Variants in RSF1 observed in about 807,000 individuals in gnomAD.
The protein encoded by RSF1 is HBV pX-associated protein 8.
Under a neutral mutation model 145.2 loss-of-function variants are expected in RSF1, and 13 were observed. The observed-to-expected ratio is 0.09, with a 90% confidence interval of 0.06 to 0.14. The LOEUF is 0.14. Ranked by LOEUF, RSF1 falls within the 10% of genes least tolerant of loss-of-function variation. The pLI is 1.00. For synonymous variants in RSF1, 577 were observed against 592.6 expected, an observed-to-expected ratio of 0.97 and a Z score of 0.38; for missense variants, 1,517 against 1,718.2, an observed-to-expected ratio of 0.88 and a Z score of 2.07.
At chr11:77,868,049 C>T in the RSF1 span, among the ~76,000 whole-genome samples, 1 of 147,042 alleles carries the variant, frequency 6.8e-6, no homozygotes, top group African/African-American at 2.5e-5. Flanking sequence ...CTTTTTCTTT[C>T]CTCTGAGCCT....
chr11:77,762,436 A>T (rs1213961470), intron 2 of RSF1: 1 of 152,168 alleles, frequency 6.6e-6, no homozygotes, highest in Admixed American at 6.5e-5. Flanking sequence ...CCAAAACCTT[A>T]ATTCAGGTCT....
At chr11:77,806,651 A>G (rs977988740) in intron 1 of RSF1, among the ~76,000 whole-genome samples, 11 of 152,160 alleles carry the variant, frequency 7.2e-5, no homozygotes, top group Non-Finnish European at 1.5e-4. Context: ...ACTGCACTGC[A>G]GTCTGGGCAA....
the RSF1 span, among the ~76,000 whole-genome samples, chr11:77,854,970 C>T: frequency 6.6e-6 from 1 of 152,230 alleles, no homozygotes; most frequent in African/African-American, 2.4e-5. Flanking sequence ...ACTCTGTGCA[C>T]CCACTGGCTT....
rs1175057284 is a variant in RSF1 at position 77,691,093 on chromosome 11, T to C, written c.2900+66A>G. Reference sequence around the variant, plus strand: ...TCCTTGTTTTAGATGGATCCATTTATCCATACAGTGAGACAATTCTGCTCT... The same window carrying C: ...TCCTTGTTTTAGATGGATCCATTTACCCATACAGTGAGACAATTCTGCTCT... On this transcript the variant is annotated intron_variant, in intron 9 of 15. Coordinates refer to ENST00000308488, the MANE Select transcript of RSF1 (RefSeq NM_016578.4). 37 of 1,439,802 alleles carry C rather than the reference T, an allele frequency of 2.6e-5. No individual in the cohort carries two copies. The Admixed American group carries it at 6.2e-4, about 24-fold the overall frequency. The allele number at this position is 1,439,802 out of a possible 1,614,324, so 89.2% of individuals were successfully genotyped here. A position where few individuals can be genotyped will look rare whatever the true frequency, so the allele number is the denominator to read the frequency against.
Position 77,820,694 on chromosome 11 carries a change from C to T in RSF1, c.21G>A (p.Ala7=). The change falls in exon 1 of 16, where the codon GCG becomes GCA. Residue 7 remains alanine (A), a synonymous_variant. Coordinates refer to ENST00000308488, the MANE Select transcript of RSF1 (RefSeq NM_016578.4). MATAAA[A]AAVMAPPGCP... is the part of the protein sequence containing the mutation. ...AGCCCGGAGGAGCCATCACCGCCGCCGCTGCCGCCGCCGTCGCCATTTTGA... is the reference window on the plus strand; with the variant it reads ...AGCCCGGAGGAGCCATCACCGCCGCTGCTGCCGCCGCCGTCGCCATTTTGA... 1 of 1,550,502 alleles carries T rather than the reference C, an allele frequency of 6.4e-7. No individual in the cohort carries two copies. Among genetic ancestry groups the T allele is most frequent in the Middle Eastern group, 2.1e-4 (1 of 4,724 alleles).
In RSF1 at chr11:77,792,744, A is replaced by AT. The variant is rs1948532342; in HGVS notation, c.187+27783_187+27784insA. On this transcript the variant is annotated intron_variant, in intron 1 of 15. Transcript: ENST00000308488. ...TGACATATTCAAAGGTCTGAAAAAAAAAAAAAACTGCCAATCAAGATACTA... is the reference window on the plus strand; with the variant it reads ...TGACATATTCAAAGGTCTGAAAAAAATAAAAAAACTGCCAATCAAGATACTA... Among the ~76,000 whole-genome samples the AT allele has an allele frequency of 2.0e-5, 3 of 152,158 alleles. No individual in the cohort carries two copies. In the South Asian group the frequency reaches 6.2e-4, roughly 31 times the overall value.
chr11:77,772,330 T>C (rs918810405), intron 1 of RSF1, among the ~76,000 whole-genome samples: 2 of 152,078 alleles, frequency 1.3e-5, no homozygotes, highest in Non-Finnish European at 2.9e-5. Context: ...CCACCATATG[T>C]GGCTAAATTT....
At chr11:77,733,981 T>C (rs1161429172) in intron 4 of RSF1, among the ~76,000 whole-genome samples, 1 of 152,212 alleles carries the variant, frequency 6.6e-6, no homozygotes, top group East Asian at 1.9e-4. Context: ...TCTTCTTTCA[T>C]TGAGGCCTAA....
intron 2 of RSF1, among the ~76,000 whole-genome samples, chr11:77,749,891 G>A (rs1022689263): frequency 6.6e-6 from 1 of 152,056 alleles, no homozygotes; most frequent in African/African-American, 2.4e-5. Flanking sequence ...TGAGACTACA[G>A]GCGCCCACCA....
At chr11:77,672,845 G>A (rs537348462) in intron 14 of RSF1, among the ~76,000 whole-genome samples, 14 of 152,198 alleles carry the variant, frequency 9.2e-5, no homozygotes, top group Non-Finnish European at 1.9e-4. Context: ...ACCACATCTG[G>A]CTAATTTTTG....
chr11:77,808,334 A>AAAAC (rs895349676), intron 1 of RSF1, among the ~76,000 whole-genome samples: 17 of 102,478 alleles, frequency 1.7e-4, no homozygotes, highest in Admixed American at 3.6e-4. Flanking sequence ...TCTGTCTAAA[A>AAAAC]AAACAAACAA....
the RSF1 span, chr11:77,840,959 C>T: frequency 4.1e-6 from 2 of 486,842 alleles, no homozygotes; most frequent in Non-Finnish European, 7.4e-6. Flanking sequence ...GCTCCTATAA[C>T]TGAATACCTG....
intron 1 of RSF1, among the ~76,000 whole-genome samples, chr11:77,783,426 G>A (rs536422280): frequency 6.6e-6 from 1 of 152,240 alleles, no homozygotes; most frequent in Non-Finnish European, 1.5e-5. Context: ...CAAGTGGCTA[G>A]CTCATAACAT....
At chr11:77,852,165 G>A in the RSF1 span, among the ~76,000 whole-genome samples, 1 of 132,422 alleles carries the variant, frequency 7.6e-6, no homozygotes, top group African/African-American at 2.9e-5. Context: ...CTTGTGCCCA[G>A]GAGGTCAAGG....
chr11:77,774,608 AT>A (rs1948322110), intron 1 of RSF1, among the ~76,000 whole-genome samples: 1 of 149,348 alleles, frequency 6.7e-6, no homozygotes, highest in Non-Finnish European at 1.5e-5. Context: ...AAATAAATAA[AT>A]AAATAAATAA....
At chr11:77,808,031 A>T (rs11821643) in intron 1 of RSF1, among the ~76,000 whole-genome samples, 15,692 of 152,214 alleles carry the variant, frequency 0.1, 1,016 homozygotes, top group Non-Finnish European at 0.14. Flanking sequence ...CATTAAAAAA[A>T]TTTTTTAAAT....
chr11:77,680,275 T>TA (rs1191072389), intron 11 of RSF1, among the ~76,000 whole-genome samples: 3 of 151,496 alleles, frequency 2.0e-5, no homozygotes, highest in South Asian at 2.1e-4. Flanking sequence ...TCTACAAAAA[T>TA]AAAAAATTAA....
At chr11:77,688,426 A>G (rs1221023659) in intron 9 of RSF1, among the ~76,000 whole-genome samples, 1 of 152,242 alleles carries the variant, frequency 6.6e-6, no homozygotes, top group Non-Finnish European at 1.5e-5. Flanking sequence ...GATTTGAGCA[A>G]GATGGAGGCA....
chr11:77,660,706 T>C lies in RSF1; in HGVS notation c.*6211A>G, dbSNP rs913908742. The C allele has an allele frequency of 6.6e-6, 1 of 152,204 alleles. No individual in the cohort carries two copies. The highest frequency in any genetic ancestry group is 1.5e-5 in the Non-Finnish European group (1 of 68,026). 9.4% of individuals were successfully genotyped at this position (152,204 alleles called of 1,614,324 possible). A position where few individuals can be genotyped will look rare whatever the true frequency, so the allele number is the denominator to read the frequency against. ...TTACTTTAAATCAAAATTCTAAAGA[T>C]ACCATTTATAAATTTTTATGTGGAA... On this transcript the variant is annotated 3_prime_UTR_variant, in exon 16 of 16. Coordinates refer to ENST00000308488, the MANE Select transcript of RSF1 (RefSeq NM_016578.4).
Sources: allele counts gnomAD v4.1 joint callset (sites outside exome capture counted in the v4.1 genomes callset), GRCh38; gene constraint gnomAD v4.1.1; transcripts MANE v1.5; gene names NCBI Gene and HGNC (gene_info 2026-07-23, HGNC 2026-07-21).